The following SYN3 variants were observed in gnomAD, a reference collection of about 807,000 sequenced individuals.
SYN3 encodes the protein synapsin III.
In SYN3, 35 loss-of-function variants were observed where a neutral mutation model predicts 65.8. That is an observed-to-expected ratio of 0.53 (90% CI 0.41 to 0.70). The LOEUF is 0.70. Ranked by LOEUF, SYN3 falls within the 30% of genes least tolerant of loss-of-function variation. The probability of loss-of-function intolerance (pLI) is 0.00; values close to 1 mark genes in which losing one functional copy is unlikely to be tolerated. For synonymous variants in SYN3, 270 were observed against 292.9 expected, an observed-to-expected ratio of 0.92 and a Z score of 0.80; for missense variants, 680 against 749.0, an observed-to-expected ratio of 0.91 and a Z score of 1.08.
rs1320861231 is a variant in SYN3 at position 32,658,240 on chromosome 22, A to C, written c.712-61504T>G. Among the ~76,000 whole-genome samples the C allele has an allele frequency of 3.9e-5, 6 of 152,328 alleles. No individual in the cohort carries two copies. In the South Asian group the frequency reaches 6.2e-4, roughly 16 times the overall value. On this transcript the variant is annotated intron_variant, in intron 6 of 13. Transcript: ENST00000358763. ...CACCCCTAGAGCCCAGGAGAAACCA[A>C]AGGAAGGTGGTCGGTGACGAGCAGG...
At chr22:32,817,278 G>A (rs1301525082) in intron 6 of SYN3, among the ~76,000 whole-genome samples, 4 of 152,066 alleles carry the variant, frequency 2.6e-5, no homozygotes, top group African/African-American at 9.7e-5. Context: ...GGAGAGACAT[G>A]TGGCTATTAG....
chr22:32,782,785 G>A (rs1316880830), intron 6 of SYN3, among the ~76,000 whole-genome samples: 1 of 152,114 alleles, frequency 6.6e-6, no homozygotes, highest in Non-Finnish European at 1.5e-5. Flanking sequence ...CTAAAGTGCT[G>A]GGATTACAGG....
At chr22:32,628,895 C>T (rs1431175980) in intron 6 of SYN3, among the ~76,000 whole-genome samples, 2 of 152,170 alleles carry the variant, frequency 1.3e-5, no homozygotes, top group African/African-American at 4.8e-5. Context: ...GGGGCCTTTT[C>T]TCTGAAGGAA....
chr22:32,895,529 G>C (rs1478219485), intron 4 of SYN3, among the ~76,000 whole-genome samples: 1 of 152,270 alleles, frequency 6.6e-6, no homozygotes, highest in African/African-American at 2.4e-5. Context: ...GGAAAGAATG[G>C]CAAAGAGTGA....
intron 4 of SYN3, among the ~76,000 whole-genome samples, chr22:32,898,288 C>T (rs1230930143): frequency 1.3e-5 from 2 of 152,146 alleles, no homozygotes; most frequent in South Asian, 2.1e-4. Flanking sequence ...CCACTGCGCC[C>T]GGCCCCAGCT....
chr22:32,984,140 C>T lies in SYN3; in HGVS notation c.312-3438G>A, dbSNP rs186363634. 1.2e-4 allele frequency among the ~76,000 whole-genome samples: 14 copies of T among 116,760 alleles called. No individual in the cohort carries two copies. The South Asian group carries it at 1.3e-3, about 11-fold the overall frequency. The allele number at this position is 116,760 out of a possible 152,430, so 76.6% of individuals were successfully genotyped here. ...TTGCGCCATTGTACTCCAACCTGGGCGACAAGAATGAAACTCCATCCAAAA... is the reference window on the plus strand; with the variant it reads ...TTGCGCCATTGTACTCCAACCTGGGTGACAAGAATGAAACTCCATCCAAAA... On this transcript the variant is annotated intron_variant, in intron 2 of 13. Transcript: ENST00000358763.
chr22:32,694,057 CTTTGT>C lies in SYN3; in HGVS notation c.712-97326_712-97322del, dbSNP rs2060703248. Among the ~76,000 whole-genome samples the C allele has an allele frequency of 3.3e-5, 5 of 150,864 alleles. No homozygotes were observed. In the South Asian group the frequency reaches 1.0e-3, roughly 32 times the overall value. ...ATATTTTTGAAGTTTCTGTTTTTTC[CTTTGT>C]TTTGTTTGTGAGCTATTTATTTATT... On this transcript the variant is annotated intron_variant, in intron 6 of 13. Coordinates refer to ENST00000358763, the MANE Select transcript of SYN3 (RefSeq NM_003490.4).
intron 4 of SYN3, among the ~76,000 whole-genome samples, chr22:32,918,211 T>C (rs1321296668): frequency 1.3e-5 from 2 of 152,244 alleles, no homozygotes; most frequent in Non-Finnish European, 2.9e-5. Context: ...TGCCAGGTGC[T>C]GGGGCCACAA....
chr22:32,861,105 T>C (rs182942461), intron 6 of SYN3: 1 of 152,192 alleles, frequency 6.6e-6, no homozygotes, highest in African/African-American at 2.4e-5. Context: ...TGGGTATTTA[T>C]CTTCTATTAG....
chr22:32,776,987 C>A (rs951366103), intron 6 of SYN3, among the ~76,000 whole-genome samples: 14 of 152,144 alleles, frequency 9.2e-5, no homozygotes, highest in African/African-American at 3.4e-4. Context: ...ACAATGCTGA[C>A]CTCACAGCAT....
chr22:32,533,177 C>T (rs1160760000), intron 10 of SYN3, among the ~76,000 whole-genome samples: 2 of 151,940 alleles, frequency 1.3e-5, no homozygotes, highest in South Asian at 2.1e-4. Context: ...GGACCCACAG[C>T]CCCTCTGTGA....
At chr22:32,759,925 C>T (rs576979515) in intron 6 of SYN3, among the ~76,000 whole-genome samples, 8 of 85,472 alleles carry the variant, frequency 9.4e-5, no homozygotes, top group Non-Finnish European at 1.4e-4. Flanking sequence ...CCAGTACCCA[C>T]GCACCCGCAG....
intron 7 of SYN3, among the ~76,000 whole-genome samples, chr22:32,570,082 A>G (rs1443742394): frequency 6.6e-6 from 1 of 152,234 alleles, no homozygotes; most frequent in African/African-American, 2.4e-5. Flanking sequence ...GTTAGGTGCC[A>G]CAATGGCTGG....
At chr22:32,555,454 GC>G (rs2058481105) in intron 7 of SYN3, among the ~76,000 whole-genome samples, 1 of 152,198 alleles carries the variant, frequency 6.6e-6, no homozygotes, top group Non-Finnish European at 1.5e-5. Flanking sequence ...TGCTCACCCT[GC>G]TGAGTTTCTC....
At chr22:32,884,031 T>C (rs1418925479) in intron 4 of SYN3, among the ~76,000 whole-genome samples, 2 of 152,234 alleles carry the variant, frequency 1.3e-5, no homozygotes, top group Non-Finnish European at 2.9e-5. Flanking sequence ...AAGTTCTAGC[T>C]GGGACTTATT....
intron 6 of SYN3, among the ~76,000 whole-genome samples, chr22:32,828,021 G>A (rs954438822): frequency 6.6e-6 from 1 of 152,114 alleles, no homozygotes; most frequent in Non-Finnish European, 1.5e-5. Flanking sequence ...CATCATATTG[G>A]GTATTTGTCT....
At chr22:32,913,467 ATT>A (rs955770340) in intron 4 of SYN3, among the ~76,000 whole-genome samples, 1 of 144,794 alleles carries the variant, frequency 6.9e-6, no homozygotes, top group Admixed American at 6.9e-5. Flanking sequence ...CAAGTCTATT[ATT>A]TTTTTTTTTT....
chr22:32,594,864 T>C (rs2059176547), intron 7 of SYN3, among the ~76,000 whole-genome samples: 1 of 152,150 alleles, frequency 6.6e-6, no homozygotes, highest in Non-Finnish European at 1.5e-5. Flanking sequence ...GGGAAAACTA[T>C]AGATGTGAGG....
intron 1 of SYN3, among the ~76,000 whole-genome samples, chr22:33,048,003 G>A (rs902302396): frequency 1.3e-5 from 2 of 152,018 alleles, no homozygotes; most frequent in African/African-American, 4.8e-5. Context: ...GACTTTAGAA[G>A]CAATATTCAG....
Sources: allele counts gnomAD v4.1 joint callset (sites outside exome capture counted in the v4.1 genomes callset), GRCh38; gene constraint gnomAD v4.1.1; transcripts MANE v1.5; gene names NCBI Gene and HGNC (gene_info 2026-07-23, HGNC 2026-07-21).